KCNMA1: variants seen among roughly 807,000 people sequenced by gnomAD.
KCNMA1 encodes the protein potassium calcium-activated channel subfamily M alpha 1.
Under a neutral mutation model 140.0 loss-of-function variants are expected in KCNMA1, and 29 were observed. The observed-to-expected ratio is 0.21, with a 90% CI of 0.15 to 0.28. The LOEUF (loss-of-function observed/expected upper bound fraction) is 0.28. Ranked by LOEUF, KCNMA1 falls within the 10% of genes least tolerant of loss-of-function variation. KCNMA1 has a pLI of 1.00. For missense variants in KCNMA1, 880 were observed against 1,602.2 expected, an observed-to-expected ratio of 0.55 and a Z score of 7.70; for synonymous variants, 612 against 611.9, an observed-to-expected ratio of 1.00 and a Z score of 0.00.
At chr10:77,521,457 C>T (rs1567305840) in intron 1 of KCNMA1, among the ~76,000 whole-genome samples, 1 of 152,220 alleles carries the variant, frequency 6.6e-6, no homozygotes, top group Admixed American at 6.5e-5. Flanking sequence ...GAAGCTTGGG[C>T]TTCAATCCCA....
At chr10:76,892,111 C>A (rs2040355615) in intron 25 of KCNMA1, among the ~76,000 whole-genome samples, 1 of 152,190 alleles carries the variant, frequency 6.6e-6, no homozygotes, top group African/African-American at 2.4e-5. Flanking sequence ...CTAACCCAAG[C>A]AGCATTGTCT....
At chr10:77,274,039 A>T (rs191365504) in intron 2 of KCNMA1, among the ~76,000 whole-genome samples, 1 of 152,322 alleles carries the variant, frequency 6.6e-6, no homozygotes, top group East Asian at 1.9e-4. Context: ...ACTGATGGCT[A>T]GCATTCCTCT....
At chr10:77,433,630 A>C (rs962440189) in intron 1 of KCNMA1, 2 of 152,264 alleles carry the variant, frequency 1.3e-5, no homozygotes, top group Non-Finnish European at 2.9e-5. Context: ...TTTCTGTAGA[A>C]TCCGTGTATG....
intron 1 of KCNMA1, among the ~76,000 whole-genome samples, chr10:77,571,496 C>T (rs2071293028): frequency 6.6e-6 from 1 of 152,202 alleles, no homozygotes; most frequent in African/African-American, 2.4e-5. Flanking sequence ...CTTATGATTA[C>T]AAATTCTCAC....
intron 14 of KCNMA1, among the ~76,000 whole-genome samples, chr10:77,057,202 T>C (rs151310695): frequency 3.5e-4 from 54 of 152,254 alleles, no homozygotes; most frequent in Admixed American, 1.6e-3. Flanking sequence ...TCATTACTTA[T>C]AGGTAACCAC....
intron 1 of KCNMA1, among the ~76,000 whole-genome samples, chr10:77,528,774 A>G (rs2056725982): frequency 6.6e-6 from 1 of 152,210 alleles, no homozygotes; most frequent in Non-Finnish European, 1.5e-5. Flanking sequence ...AAAGGAACGG[A>G]GTACTGCTGC....
intron 2 of KCNMA1, among the ~76,000 whole-genome samples, chr10:77,384,399 T>C (rs1017338905): frequency 6.6e-6 from 1 of 152,194 alleles, no homozygotes; most frequent in African/African-American, 2.4e-5. Flanking sequence ...TCCAGACTTT[T>C]TCCCTGGTGC....
intron 3 of KCNMA1, among the ~76,000 whole-genome samples, chr10:77,248,792 A>T (rs186851109): frequency 5.9e-5 from 9 of 152,086 alleles, no homozygotes; most frequent in Admixed American, 1.3e-4. Flanking sequence ...CTGGAAATCT[A>T]TGGACTTACC....
intron 2 of KCNMA1, among the ~76,000 whole-genome samples, chr10:77,252,382 G>C (rs1175838798): frequency 2.6e-5 from 4 of 152,188 alleles, no homozygotes; most frequent in South Asian, 4.1e-4. Flanking sequence ...ACCTTTCCAG[G>C]TATGCTAATA....
chr10:77,628,173 G>A (rs984719712), intron 1 of KCNMA1, among the ~76,000 whole-genome samples: 1 of 152,222 alleles, frequency 6.6e-6, no homozygotes, highest in Non-Finnish European at 1.5e-5. Context: ...CCAACAGCCT[G>A]TAGATAATTT....
intron 23 of KCNMA1, among the ~76,000 whole-genome samples, chr10:76,933,360 G>A (rs1403863838): frequency 2.6e-5 from 4 of 152,164 alleles, no homozygotes; most frequent in Non-Finnish European, 4.4e-5. Context: ...GGCAGTTGGC[G>A]AGCATGAAGA....
At chr10:77,027,767 G>T in intron 16 of KCNMA1, 56 bp downstream of exon 16, 1 of 1,381,456 alleles carries the variant, frequency 7.2e-7, no homozygotes, top group Non-Finnish European at 1.0e-6. Flanking sequence ...ACCGTTCTCA[G>T]AACGCACTCT....
chr10:77,637,189 CGAG>C lies in KCNMA1; in HGVS notation c.378+73_378+75del, dbSNP rs923519643. 6.5e-6 allele frequency: 9 copies of C among 1,377,654 alleles called. No individual in the cohort carries two copies. In the African/African-American group the frequency reaches 1.3e-4, roughly 20 times the overall value. 85.3% of individuals were successfully genotyped at this position (1,377,654 alleles called of 1,614,324 possible). A position where few individuals can be genotyped will look rare whatever the true frequency, so the allele number is the denominator to read the frequency against. On this transcript the variant is annotated intron_variant, in intron 1 of 27. Transcript: ENST00000286628. ...GAGGGAGGCACGGCGCGGCGCGGAG[CGAG>C]GAGGTGGGCTGCAGGGGACGCCGAG... is the stretch of plus-strand genomic sequence containing the variant.
intron 1 of KCNMA1, among the ~76,000 whole-genome samples, chr10:77,515,906 CT>C (rs2050225391): frequency 6.6e-6 from 1 of 152,202 alleles, no homozygotes; most frequent in South Asian, 2.1e-4. Flanking sequence ...TTGATTGACC[CT>C]CACTAGCAGG....
intron 2 of KCNMA1, among the ~76,000 whole-genome samples, chr10:77,264,040 T>TCACAAGATAG (rs2062737136): frequency 6.6e-6 from 1 of 152,198 alleles, no homozygotes; most frequent in Non-Finnish European, 1.5e-5. Context: ...GTAGAAAGTT[T>TCACAAGATAG]CACAAGATAG....
intron 1 of KCNMA1, among the ~76,000 whole-genome samples, chr10:77,511,834 G>C (rs987937420): frequency 2.6e-5 from 4 of 152,176 alleles, no homozygotes; most frequent in East Asian, 1.9e-4. Context: ...GTCAAGAAAG[G>C]CAGATTTATT....
At chr10:76,870,975 G>A (rs2031195451) in exon 28 of KCNMA1, 1 of 151,980 alleles carries the variant, frequency 6.6e-6, no homozygotes, top group Admixed American at 6.6e-5. Flanking sequence ...CATTTCCCTG[G>A]TTCTGGAGTA....
chr10:77,030,018 G>A (rs2093803615), intron 15 of KCNMA1, among the ~76,000 whole-genome samples: 1 of 152,206 alleles, frequency 6.6e-6, no homozygotes, highest in South Asian at 2.1e-4. Flanking sequence ...GGGATGTGTT[G>A]CTTTCAAGGA....
chr10:77,544,505 C>G (rs2060956530), intron 1 of KCNMA1, among the ~76,000 whole-genome samples: 1 of 152,156 alleles, frequency 6.6e-6, no homozygotes, highest in Admixed American at 6.5e-5. Flanking sequence ...CATCCCACTG[C>G]AGGGCAACTT....
Sources: allele counts gnomAD v4.1 joint callset (sites outside exome capture counted in the v4.1 genomes callset), GRCh38; gene constraint gnomAD v4.1.1; transcripts MANE v1.5; gene names NCBI Gene and HGNC (gene_info 2026-07-23, HGNC 2026-07-21).